ATF6: variants seen among roughly 807,000 people sequenced by gnomAD.
ATF6 encodes cyclic AMP-dependent transcription factor ATF-6 alpha.
Under a neutral mutation model 83.6 loss-of-function variants are expected in ATF6, and 53 were observed. The observed-to-expected ratio is 0.63, with a 90% CI of 0.51 to 0.80. The LOEUF (loss-of-function observed/expected upper bound fraction) is 0.80. ATF6 is among the 30% of genes least tolerant of loss of function. The pLI, the probability that ATF6 is intolerant of heterozygous loss-of-function variation, is 0.00. For synonymous variants in ATF6, 288 were observed against 285.8 expected (o/e 1.01, Z -0.08); for missense variants, 744 against 797.9 (o/e 0.93, Z 0.81).
intron 14 of ATF6, among the ~76,000 whole-genome samples, chr1:161,878,092 A>G (rs961719402): frequency 2.0e-5 from 3 of 152,028 alleles, no homozygotes; most frequent in Non-Finnish European, 2.9e-5. Flanking sequence ...AAGAAGAGTA[A>G]TTAAGAATTG....
At chr1:161,814,317 A>G (rs968158809) in intron 7 of ATF6, among the ~76,000 whole-genome samples, 1 of 152,212 alleles carries the variant, frequency 6.6e-6, no homozygotes, top group African/African-American at 2.4e-5. Flanking sequence ...GGCTGTGCCC[A>G]TGGTGTGGCT....
chr1:161,864,177 T>G (rs1558001417), intron 14 of ATF6, among the ~76,000 whole-genome samples: 1 of 152,166 alleles, frequency 6.6e-6, no homozygotes, highest in African/African-American at 2.4e-5. Flanking sequence ...TTTCTTTTTT[T>G]TTTTTAAGAA....
At chr1:161,766,538 C>A in intron 1 of ATF6, 96 bp downstream of exon 1, 1 of 1,136,676 alleles carries the variant, frequency 8.8e-7, no homozygotes, top group Non-Finnish European at 1.3e-6. Context: ...CAGGTGTGGA[C>A]CAACCCTGCC....
intron 15 of ATF6, among the ~76,000 whole-genome samples, chr1:161,934,245 C>G (rs1688490363): frequency 6.6e-6 from 1 of 152,184 alleles, no homozygotes; most frequent in South Asian, 2.1e-4. Flanking sequence ...ATTGTTGCCA[C>G]CTTCCTCCAT....
rs557965714 is a variant in ATF6 at position 161,867,559 on chromosome 1, G to T, written c.1719+4247G>T. On this transcript the variant is annotated intron_variant, in intron 14 of 15. Coordinates refer to ENST00000367942, the MANE Select transcript of ATF6 (RefSeq NM_007348.4). ...TCTCATCCACTAATATATAAGGAAAGAATTTCTTCCTGGGGCAGTTTTTCA... is the reference window on the plus strand; with the variant it reads ...TCTCATCCACTAATATATAAGGAAATAATTTCTTCCTGGGGCAGTTTTTCA... Among the ~76,000 whole-genome samples, 5 of 152,262 alleles carry T rather than the reference G, an allele frequency of 3.3e-5. No individual in the cohort carries two copies. The South Asian group carries it at 8.3e-4, about 25-fold the overall frequency.
intron 15 of ATF6, among the ~76,000 whole-genome samples, chr1:161,923,752 G>T (rs1688259105): frequency 6.6e-6 from 1 of 152,176 alleles, no homozygotes; most frequent in Non-Finnish European, 1.5e-5. Flanking sequence ...AGCTTGCATT[G>T]ATCCTTCTAG....
intron 15 of ATF6, among the ~76,000 whole-genome samples, chr1:161,943,742 A>G (rs1688696852): frequency 6.6e-6 from 1 of 152,164 alleles, no homozygotes; most frequent in Admixed American, 6.5e-5. Context: ...ACACGCACAC[A>G]AAAAGCCATC....
At chr1:161,779,140 GA>G (rs1235580225) in intron 2 of ATF6, among the ~76,000 whole-genome samples, 6 of 152,126 alleles carry the variant, frequency 3.9e-5, no homozygotes, top group Non-Finnish European at 8.8e-5. Context: ...CAGTACTAGG[GA>G]TTTTAATGGT....
At chr1:161,865,465 G>T (rs1054190305) in intron 14 of ATF6, among the ~76,000 whole-genome samples, 1 of 152,076 alleles carries the variant, frequency 6.6e-6, no homozygotes, top group African/African-American at 2.4e-5. Context: ...ACCAATCCTA[G>T]CTTTAAACAG....
At chr1:161,800,432 T>C (rs1450839950) in intron 6 of ATF6, among the ~76,000 whole-genome samples, 1 of 152,216 alleles carries the variant, frequency 6.6e-6, no homozygotes, top group Non-Finnish European at 1.5e-5. Flanking sequence ...GTGGACAATC[T>C]GTAGTTGTTT....
At chr1:161,792,074 T>C in intron 5 of ATF6, 50 bp from the exon 6 acceptor site, 1 of 1,514,620 alleles carries the variant, frequency 6.6e-7, no homozygotes, top group Non-Finnish European at 9.1e-7. Context: ...TTTTTAGGGC[T>C]TGCGTAATTG....
intron 9 of ATF6, among the ~76,000 whole-genome samples, chr1:161,841,043 G>A (rs149425249): frequency 3.3e-5 from 5 of 152,196 alleles, no homozygotes; most frequent in African/African-American, 9.6e-5. Flanking sequence ...ATTTCTTTGA[G>A]TTCTTGGAAA....
chr1:161,810,729 A>T (rs1359660889), intron 7 of ATF6, among the ~76,000 whole-genome samples: 1 of 152,052 alleles, frequency 6.6e-6, no homozygotes, highest in Admixed American at 6.5e-5. Context: ...TTGTCACCCT[A>T]AAAAGAAAAC....
intron 15 of ATF6, among the ~76,000 whole-genome samples, chr1:161,930,669 T>A (rs1425454185): frequency 6.6e-6 from 1 of 152,320 alleles, no homozygotes; most frequent in East Asian, 1.9e-4. Context: ...AGATAGAGAT[T>A]GAAGTAGCCA....
intron 14 of ATF6, among the ~76,000 whole-genome samples, chr1:161,898,032 G>C (rs1687710544): frequency 1.3e-5 from 2 of 152,102 alleles, no homozygotes; most frequent in Admixed American, 1.3e-4. Context: ...GGAGATGTGG[G>C]TTTCCATTAA....
intron 14 of ATF6, among the ~76,000 whole-genome samples, chr1:161,878,388 T>C (rs1394430255): frequency 6.6e-6 from 1 of 152,122 alleles, no homozygotes; most frequent in East Asian, 1.9e-4. Flanking sequence ...GTGTTGTGAT[T>C]ATAGGCATGA....
At chr1:161,880,458 C>T (rs1292971215) in intron 14 of ATF6, among the ~76,000 whole-genome samples, 1 of 145,078 alleles carries the variant, frequency 6.9e-6, no homozygotes, top group Non-Finnish European at 1.5e-5. Flanking sequence ...TAATTTTTCC[C>T]TGCCCTCTCA....
intron 6 of ATF6, among the ~76,000 whole-genome samples, chr1:161,799,375 A>G (rs1685091332): frequency 6.6e-6 from 1 of 152,232 alleles, no homozygotes; most frequent in Non-Finnish European, 1.5e-5. Context: ...TGGGAGTTAT[A>G]CATTGAGTAC....
At chr1:161,813,926 C>T (rs1349866162) in intron 7 of ATF6, among the ~76,000 whole-genome samples, 1 of 151,068 alleles carries the variant, frequency 6.6e-6, no homozygotes, top group East Asian at 1.9e-4. Flanking sequence ...CTTTTGTTGC[C>T]CAGGCTGGAG....
Sources: allele counts gnomAD v4.1 joint callset (sites outside exome capture counted in the v4.1 genomes callset), GRCh38; gene constraint gnomAD v4.1.1; transcripts MANE v1.5; gene names NCBI Gene and HGNC (gene_info 2026-07-23, HGNC 2026-07-21).